Variants in ARHGAP15 observed in about 807,000 individuals in gnomAD.
The protein encoded by ARHGAP15 is Rho GTPase activating protein 15.
Under a neutral mutation model 63.7 loss-of-function variants are expected in ARHGAP15, and 51 were observed. That is an observed-to-expected ratio of 0.80 (90% CI 0.64 to 1.01). The LOEUF is 1.01. Ranked by LOEUF, ARHGAP15 falls within the 50% of genes least tolerant of loss-of-function variation. The probability of loss-of-function intolerance (pLI) is 0.00; values close to 1 mark genes in which losing one functional copy is unlikely to be tolerated. For missense variants in ARHGAP15, 560 were observed against 564.6 expected, an observed-to-expected ratio of 0.99 and a Z score of 0.08; for synonymous variants, 191 against 193.8, an observed-to-expected ratio of 0.99 and a Z score of 0.12.
intron 1 of ARHGAP15, among the ~76,000 whole-genome samples, chr2:143,149,559 G>A (rs1167708423): frequency 6.6e-6 from 1 of 151,800 alleles, no homozygotes; most frequent in Non-Finnish European, 1.5e-5. Flanking sequence ...AGAAGATACA[G>A]GGCTTTTGGG....
At chr2:143,705,041 T>A (rs1236005991) in intron 13 of ARHGAP15, among the ~76,000 whole-genome samples, 1 of 152,194 alleles carries the variant, frequency 6.6e-6, no homozygotes, top group Non-Finnish European at 1.5e-5. Context: ...AAGTACATCA[T>A]ATTGCACATA....
chr2:143,641,718 T>C (rs1419336291), intron 12 of ARHGAP15, among the ~76,000 whole-genome samples: 1 of 152,148 alleles, frequency 6.6e-6, no homozygotes, highest in South Asian at 2.1e-4. Flanking sequence ...GTAGATGAAA[T>C]GCCAAAGTTC....
chr2:143,556,591 G>A, intron 11 of ARHGAP15, 106 bp downstream of exon 11: 1 of 760,752 alleles, frequency 1.3e-6, no homozygotes, highest in South Asian at 2.7e-5. Context: ...TTTAACAGGA[G>A]AATGTGAAAG....
chr2:143,662,344 C>T (rs1488456470), intron 12 of ARHGAP15, among the ~76,000 whole-genome samples: 2 of 147,826 alleles, frequency 1.4e-5, no homozygotes, highest in Non-Finnish European at 3.0e-5. Flanking sequence ...AACAGACCTG[C>T]AGCTGAGGGT....
intron 13 of ARHGAP15, among the ~76,000 whole-genome samples, chr2:143,742,094 T>C (rs1368494251): frequency 6.6e-6 from 1 of 152,210 alleles, no homozygotes; most frequent in Non-Finnish European, 1.5e-5. Flanking sequence ...ACCATGCCCA[T>C]GATTTGTCAG....
At chr2:143,724,071 G>GTGTGTA (rs1159309188) in intron 13 of ARHGAP15, among the ~76,000 whole-genome samples, 12 of 151,702 alleles carry the variant, frequency 7.9e-5, no homozygotes. Flanking sequence ...GTGTGTGTGT[G>GTGTGTA]TGTATGTGTG....
chr2:143,469,360 A>G (rs1220476947), intron 8 of ARHGAP15, among the ~76,000 whole-genome samples: 4 of 152,240 alleles, frequency 2.6e-5, no homozygotes, highest in African/African-American at 9.6e-5. Flanking sequence ...ATGAAATGCA[A>G]CTTGTACAAC....
chr2:143,404,214 C>T (rs1688105139), intron 6 of ARHGAP15, among the ~76,000 whole-genome samples: 2 of 151,630 alleles, frequency 1.3e-5, no homozygotes, highest in South Asian at 4.2e-4. Context: ...CATAAGTGAT[C>T]ATATACTGCA....
At chr2:143,250,404 A>G (rs1202704703) in intron 5 of ARHGAP15, 107 bp from the exon 6 acceptor site, 2 of 778,834 alleles carry the variant, frequency 2.6e-6, no homozygotes, top group Non-Finnish European at 4.0e-6. Context: ...CAAAAAAGGC[A>G]TTATATCATA....
chr2:143,612,653 CAG>C (rs1369326255), intron 11 of ARHGAP15, among the ~76,000 whole-genome samples: 1 of 152,184 alleles, frequency 6.6e-6, no homozygotes, highest in East Asian at 1.9e-4. Context: ...AAAGCAGGGA[CAG>C]GGCAGACCTG....
intron 6 of ARHGAP15, among the ~76,000 whole-genome samples, chr2:143,399,309 G>A (rs748394336): frequency 2.0e-5 from 3 of 151,176 alleles, no homozygotes; most frequent in Non-Finnish European, 4.4e-5. Context: ...AAGAAGAGGG[G>A]TACAAGCTGT....
chr2:143,424,753 C>T (rs1453615530), intron 6 of ARHGAP15, among the ~76,000 whole-genome samples: 3 of 152,090 alleles, frequency 2.0e-5, no homozygotes, highest in Non-Finnish European at 4.4e-5. Context: ...ATCTTGAATC[C>T]TTATGTAATT....
At chr2:143,210,686 A>G (rs1443027975) in intron 3 of ARHGAP15, among the ~76,000 whole-genome samples, 1 of 152,134 alleles carries the variant, frequency 6.6e-6, no homozygotes, top group Non-Finnish European at 1.5e-5. Context: ...AAAGAATATA[A>G]ATAAGTTGAA....
chr2:143,762,606 T>C (rs1339607753), intron 13 of ARHGAP15, among the ~76,000 whole-genome samples: 1 of 152,172 alleles, frequency 6.6e-6, no homozygotes, highest in Non-Finnish European at 1.5e-5. Flanking sequence ...TAGAACAGCA[T>C]TTCTTCATAT....
At chr2:143,689,483 T>C (rs1352060262) in intron 12 of ARHGAP15, among the ~76,000 whole-genome samples, 3 of 152,208 alleles carry the variant, frequency 2.0e-5, no homozygotes, top group Non-Finnish European at 4.4e-5. Flanking sequence ...AATTTTGTTA[T>C]GTTTACTCAT....
intron 11 of ARHGAP15, among the ~76,000 whole-genome samples, chr2:143,593,891 T>C (rs972870562): frequency 6.6e-6 from 1 of 152,182 alleles, no homozygotes. Context: ...GCCATTCACA[T>C]ACACGTTACA....
At chr2:143,449,356 C>T (rs576609545) in intron 8 of ARHGAP15, among the ~76,000 whole-genome samples, 2 of 152,088 alleles carry the variant, frequency 1.3e-5, no homozygotes, top group Non-Finnish European at 2.9e-5. Flanking sequence ...TTCTACTTAT[C>T]CCTTATCTTC....
intron 1 of ARHGAP15, among the ~76,000 whole-genome samples, chr2:143,138,661 C>A (rs79803163): frequency 0.062 from 9,389 of 152,014 alleles, 741 homozygotes; most frequent in South Asian, 0.24. Flanking sequence ...TCTATGTCTC[C>A]CCCTGGCTCT....
At chr2:143,298,518 A>G (rs2105142997) in intron 6 of ARHGAP15, among the ~76,000 whole-genome samples, 1 of 152,118 alleles carries the variant, frequency 6.6e-6, no homozygotes, top group Admixed American at 6.6e-5. Flanking sequence ...AATTCCTAAT[A>G]ATTATTTTCT....
Sources: gnomAD v4.1 joint callset for allele counts (sites outside exome capture counted in the v4.1 genomes callset) on GRCh38, gnomAD v4.1.1 for gene constraint, MANE v1.5 for transcripts, NCBI Gene and HGNC (gene_info 2026-07-23, HGNC 2026-07-21) for gene names.